Variants in PRPF8 observed in about 807,000 individuals in gnomAD.
PRPF8 encodes the protein pre-mRNA processing factor 8.
Under a neutral mutation model 285.9 loss-of-function variants are expected in PRPF8, and 64 were observed. That is an observed-to-expected ratio of 0.22 (90% CI 0.18 to 0.28). PRPF8 has a LOEUF of 0.28. Among genes scored for constraint, PRPF8 ranks in the 10% least tolerant of loss-of-function variants. PRPF8 has a pLI of 1.00. For missense variants in PRPF8, 1,426 were observed against 3,026.7 expected, an observed-to-expected ratio of 0.47 and a Z score of 12.41; for synonymous variants, 1,325 against 1,118.2, an observed-to-expected ratio of 1.18 and a Z score of -3.69.
intron 34 of PRPF8, among the ~76,000 whole-genome samples, chr17:1,657,753 A>C (rs959523159): frequency 6.7e-6 from 1 of 149,324 alleles, no homozygotes; most frequent in Admixed American, 6.7e-5. Flanking sequence ...CAGATCACAA[A>C]GTCAGGAGAT....
At position 1,660,621 on chromosome 17, in the gene PRPF8, C is replaced by T. The variant is rs762116224; in HGVS notation, c.4639-43G>A. ...ATGTGACATTAGAGATCAAGAGACT[C>T]GGGCGCTCACGACATAACCAAGGCA... On this transcript the variant is annotated intron_variant, in intron 29 of 42. Coordinates refer to ENST00000304992, the MANE Select transcript of PRPF8 (RefSeq NM_006445.4). 8.1e-6 allele frequency: 13 copies of T among 1,614,048 alleles called. 1 individual carries two copies. Among genetic ancestry groups the T allele is most frequent in the South Asian group, 7.7e-5 (7 of 91,084 alleles).
chr17:1,675,819 G>A lies in PRPF8; in HGVS notation c.2680-7C>T, dbSNP rs138761607. The A allele has an allele frequency of 5.6e-6, 9 of 1,614,140 alleles. No individual in the cohort carries two copies. The East Asian group carries it at 2.0e-4, about 36-fold the overall frequency. ...CCATGAACTCAATGCCCACCTGTGG[G>A]ACAAGGAGGCTGGTTCACACCAATC... On this transcript the variant is annotated splice_polypyrimidine_tract_variant and splice_region_variant and intron_variant, in intron 18 of 42. Transcript: ENST00000304992. The surrounding 1 kb of genome is among the most constrained non-coding windows in gnomAD (Gnocchi z 6.0).
chr17:1,683,713 C>T lies in PRPF8; in HGVS notation c.101-12G>A. 1 of 1,613,568 alleles carries T rather than the reference C, an allele frequency of 6.2e-7. No individual in the cohort carries two copies. The highest frequency in any genetic ancestry group is 8.5e-7 in the Non-Finnish European group (1 of 1,179,996). Reference sequence around the variant, plus strand: ...CTGCCATTTTCGAGCTGGAAAGGCACCTCAGTTTAAAGGCCTGCACACCCT... The same window carrying T: ...CTGCCATTTTCGAGCTGGAAAGGCATCTCAGTTTAAAGGCCTGCACACCCT... On this transcript the variant is annotated splice_polypyrimidine_tract_variant and intron_variant, in intron 2 of 42. Coordinates refer to ENST00000304992, the MANE Select transcript of PRPF8 (RefSeq NM_006445.4).
intron 24 of PRPF8, among the ~76,000 whole-genome samples, chr17:1,663,415 T>G (rs1892035691): frequency 6.6e-6 from 1 of 151,766 alleles, no homozygotes. Context: ...ATTGTCAAAT[T>G]GGATTTAAAT....
Position 1,673,485 on chromosome 17 carries a change from C to T in PRPF8, c.3529G>A (p.Val1177Met). Residue 1177 changes from valine to methionine, a missense_variant, in exon 23 of 43, where the codon GTG (valine) becomes ATG (methionine). Around this residue, in one of 34 missense-constraint regions of PRPF8, gnomAD observed 148 missense variants for 196.2 expected, o/e 0.75. Transcript: ENST00000304992. The surrounding 1 kb of genome is among the most constrained non-coding windows in gnomAD (Gnocchi z 5.5). ...TVQWENSFVS[V>M]YSKDNPNLLF... ...AGGTTGGGGTTGTCCTTACTGTACA[C>T]AGACACGAAGCTGTTCTCCCACTGA... is the stretch of plus-strand genomic sequence containing the variant. The T allele has an allele frequency of 1.2e-6, 2 of 1,614,206 alleles. No individual in the cohort carries two copies. Among genetic ancestry groups the T allele is most frequent in the Non-Finnish European group, 1.7e-6 (2 of 1,180,042 alleles).
Position 1,652,024 on chromosome 17 carries a change from C to T in PRPF8, c.6370-236G>A, listed in dbSNP as rs573688524. ...GTGGGGTCCAGGAATCTGCACTGCT[C>T]ACAAGCTCCCCAGCTGATTATTAAG... On this transcript the variant is annotated intron_variant, in intron 39 of 42. Coordinates refer to ENST00000304992, the MANE Select transcript of PRPF8 (RefSeq NM_006445.4). 6 of 615,600 alleles carry T rather than the reference C, an allele frequency of 9.7e-6. No individual in the cohort carries two copies. The East Asian group carries it at 1.4e-4, about 14-fold the overall frequency. The allele number at this position is 615,600 out of a possible 1,614,324, so 38.1% of individuals were successfully genotyped here. A position where few individuals can be genotyped will look rare whatever the true frequency, so the allele number is the denominator to read the frequency against.
At chr17:1,683,323 A>C (rs1913040901) in intron 3 of PRPF8, 1 of 652,270 alleles carries the variant, frequency 1.5e-6, no homozygotes, top group Non-Finnish European at 2.7e-6. Context: ...CATCAACAGG[A>C]CAAATTAAAG....
In PRPF8 at chr17:1,677,771, G is replaced by A. The variant is rs906704770; in HGVS notation, c.1855-77C>T. Reference sequence around the variant, plus strand: ...ACAATAGAAACCTGGGCAGAGGTGGGGCATATATGTATAATATACATACAG... The same window carrying A: ...ACAATAGAAACCTGGGCAGAGGTGGAGCATATATGTATAATATACATACAG... On this transcript the variant is annotated intron_variant, in intron 13 of 42. Transcript: ENST00000304992. The A allele has an allele frequency of 2.3e-5, 37 of 1,576,200 alleles. No homozygotes were observed. The South Asian group carries it at 3.0e-4, about 13-fold the overall frequency.
At position 1,679,807 on chromosome 17, in the gene PRPF8, A is replaced by G. The variant is rs200865270; in HGVS notation, c.1099-8T>C. 4.7e-5 allele frequency: 76 copies of G among 1,614,234 alleles called. No individual in the cohort carries two copies. In the Admixed American group the frequency reaches 1.2e-3, roughly 26 times the overall value. On this transcript the variant is annotated splice_polypyrimidine_tract_variant and splice_region_variant and intron_variant, in intron 8 of 42. Transcript: ENST00000304992. This position sits in a 1 kb window ranked among gnomAD's most constrained non-coding sequence, Gnocchi z 4.7. ...CGGCAATGGTTCCTGGCTCTGAAAA[A>G]GGAATCCCTCTAAGGGTTTAGCTCC...
Position 1,658,147 on chromosome 17 carries a change from G to A in PRPF8, c.5505+106C>T. 1.3e-6 allele frequency: 2 copies of A among 1,537,500 alleles called. No individual in the cohort carries two copies. The highest frequency in any genetic ancestry group is 2.3e-4 in the Middle Eastern group (1 of 4,352). ...GTATTTTGGGGATAAGTTCAAATGA[G>A]ATGTTCTCAGCCTTTCATCTAATAA... On this transcript the variant is annotated intron_variant, in intron 34 of 42. Coordinates refer to ENST00000304992, the MANE Select transcript of PRPF8 (RefSeq NM_006445.4). This position sits in a 1 kb window ranked among gnomAD's most constrained non-coding sequence, Gnocchi z 4.1.
chr17:1,662,589 A>AG (rs1438182560), intron 24 of PRPF8, among the ~76,000 whole-genome samples: 17 of 127,982 alleles, frequency 1.3e-4, no homozygotes, highest in African/African-American at 3.3e-4. Context: ...ACTCCATCTC[A>AG]GGGGAAAAAA....
chr17:1,664,645 A>T (rs1157400648), intron 24 of PRPF8, among the ~76,000 whole-genome samples: 1 of 144,318 alleles, frequency 6.9e-6, no homozygotes, highest in Non-Finnish European at 1.6e-5. Flanking sequence ...CCTCTAAATG[A>T]ATTAATTATT....
Position 1,684,474 on chromosome 17 carries a change from T to C in PRPF8, c.98A>G (p.Lys33Arg), listed in dbSNP as rs931329488. Residue 33 changes from lysine to arginine, a missense_variant and splice_region_variant, in exon 2 of 43, where the codon AAA becomes AGA. Lys to Arg is a conservative substitution (Grantham distance 26, BLOSUM62 2). Transcript: ENST00000304992. ...DYMSEEKLQE[K>R]ARKWQQLQAK... ...GCCGCTCCACACTCTCGCCTCACCT[T>C]TCTCCTGCAGCTTCTCCTCCGACAT... is the stretch of plus-strand genomic sequence containing the variant. 1.9e-6 allele frequency: 3 copies of C among 1,612,432 alleles called. No individual in the cohort carries two copies. Among genetic ancestry groups the C allele is most frequent in the Non-Finnish European group, 2.5e-6 (3 of 1,179,614 alleles).
At position 1,675,499 on chromosome 17, in the gene PRPF8, C is replaced by T. The variant is rs1912563530; in HGVS notation, c.2872+121G>A. ...GCTTTTCCTCAGTTTAACACGAACA[C>T]TACTTCCCTTTACTACCACGCATCA... On this transcript the variant is annotated intron_variant, in intron 19 of 42. Transcript: ENST00000304992. This position sits in a 1 kb window ranked among gnomAD's most constrained non-coding sequence, Gnocchi z 6.0. 1 of 1,464,642 alleles carries T rather than the reference C, an allele frequency of 6.8e-7. No individual in the cohort carries two copies. 90.7% of individuals were successfully genotyped at this position (1,464,642 alleles called of 1,614,324 possible). A position where few individuals can be genotyped will look rare whatever the true frequency, so the allele number is the denominator to read the frequency against.
At chr17:1,674,405 G>A (rs376893202) in intron 21 of PRPF8, 37 bp downstream of exon 21, 2 of 1,597,286 alleles carry the variant, frequency 1.3e-6, no homozygotes, top group Non-Finnish European at 1.7e-6. Context: ...ACATGCCTCA[G>A]TACCCTGCAA....
intron 11 of PRPF8, 33 bp from the exon 12 acceptor site, chr17:1,678,914 A>T: frequency 6.2e-7 from 1 of 1,614,006 alleles, no homozygotes; most frequent in Non-Finnish European, 8.5e-7. Flanking sequence ...ACAGAACGTG[A>T]ATGAGCAATG....
intron 24 of PRPF8, among the ~76,000 whole-genome samples, chr17:1,669,602 C>A (rs1333184493): frequency 6.6e-6 from 1 of 152,216 alleles, no homozygotes; most frequent in East Asian, 1.9e-4. Context: ...AAGCCTCACC[C>A]ACTGCCATCT....
rs1454840725 is a variant in PRPF8, at chr17:1,675,883, T to C, written c.2679+45A>G. The C allele has an allele frequency of 2.5e-6, 4 of 1,613,878 alleles. No homozygotes were observed. Among genetic ancestry groups the C allele is most frequent in the Non-Finnish European group, 3.4e-6 (4 of 1,179,970 alleles). ...CTTTGGTAGAACCAAAGGCAACTGCTACCTTTGGTAGAACCAAAAAGAAAA... is the reference window on the plus strand; with the variant it reads ...CTTTGGTAGAACCAAAGGCAACTGCCACCTTTGGTAGAACCAAAAAGAAAA... On this transcript the variant is annotated intron_variant, in intron 18 of 42. Transcript: ENST00000304992. The surrounding 1 kb of genome is among the most constrained non-coding windows in gnomAD (Gnocchi z 6.0).
In PRPF8 at chr17:1,676,464, TCCC is replaced by T. The variant is rs772118258; in HGVS notation, c.2388+38_2388+40del. The T allele has an allele frequency of 6.2e-7, 1 of 1,613,500 alleles. No homozygotes were observed. Among genetic ancestry groups the T allele is most frequent in the Non-Finnish European group, 8.5e-7 (1 of 1,179,858 alleles). On this transcript the variant is annotated intron_variant, in intron 16 of 42. Transcript: ENST00000304992. The surrounding 1 kb of genome is among the most constrained non-coding windows in gnomAD (Gnocchi z 6.3). The stretch of plus-strand genomic sequence containing the variant: ...CTCTACAGTCCTCCCTCTTGCCCAC[TCCC>T]CCACCACTCACACCCAGCCCAGCCT...
Sources: allele counts gnomAD v4.1 joint callset (sites outside exome capture counted in the v4.1 genomes callset), GRCh38; gene constraint gnomAD v4.1.1; regional missense constraint gnomAD v4.1.1; non-coding constraint Gnocchi (gnomAD v3.1); transcripts MANE v1.5; gene names NCBI Gene and HGNC (gene_info 2026-07-23, HGNC 2026-07-21).